DIAPH2: variants seen among roughly 807,000 people sequenced by gnomAD.
DIAPH2 encodes the protein diaphanous related formin 2.
DIAPH2 carries 35 observed loss-of-function variants against 92.7 expected under a neutral mutation model. The observed-to-expected ratio is 0.38, with a 90% CI of 0.29 to 0.50. The LOEUF (loss-of-function observed/expected upper bound fraction) is 0.50, where lower values mean the gene tolerates loss of function less well. Among genes scored for constraint, DIAPH2 ranks in the 20% least tolerant of loss-of-function variants. The probability of loss-of-function intolerance (pLI) is 0.94; values close to 1 mark genes in which losing one functional copy is unlikely to be tolerated. For missense variants in DIAPH2, 701 were observed against 819.5 expected (o/e 0.86, Z 1.77); for synonymous variants, 301 against 280.4 (o/e 1.07, Z -0.73).
intron 26 of DIAPH2, among the ~76,000 whole-genome samples, chrX:97,486,135 G>C (rs1195296843): frequency 9.0e-6 from 1 of 110,817 alleles, no homozygotes; most frequent in African/African-American, 3.3e-5. Context: ...AAGATACCCG[G>C]TGTAATTTAA....
intron 14 of DIAPH2, among the ~76,000 whole-genome samples, chrX:96,946,602 G>T (rs966055294): frequency 1.8e-5 from 2 of 111,768 alleles, no homozygotes; most frequent in Admixed American, 9.5e-5. Flanking sequence ...TTTGTGTGGA[G>T]CTGTCATTTT....
chrX:97,505,638 A>C (rs1453331198), intron 26 of DIAPH2, among the ~76,000 whole-genome samples: 1 of 109,670 alleles, frequency 9.1e-6, no homozygotes, highest in Non-Finnish European at 1.9e-5. Context: ...AATGCAGCAA[A>C]TGAGGTAGGG....
At chrX:97,291,728 G>A (rs924678513) in intron 23 of DIAPH2, among the ~76,000 whole-genome samples, 1 of 110,162 alleles carries the variant, frequency 9.1e-6, no homozygotes, top group African/African-American at 3.3e-5. Context: ...AGTAGAGATG[G>A]GGTTTCACCA....
At chrX:97,257,957 TA>T (rs59772699) in intron 23 of DIAPH2, among the ~76,000 whole-genome samples, 3,494 of 91,981 alleles carry the variant, frequency 0.038, 74 homozygotes, top group African/African-American at 0.078. Flanking sequence ...GTTCTTTGTT[TA>T]AAAAAAAAAA....
intron 5 of DIAPH2, among the ~76,000 whole-genome samples, chrX:96,902,890 T>C (rs766350110): frequency 8.9e-6 from 1 of 111,772 alleles, no homozygotes; most frequent in East Asian, 2.8e-4. Context: ...GTTTTTGACA[T>C]CTACATTGAG....
At chrX:96,728,009 A>G (rs1413859638) in intron 1 of DIAPH2, among the ~76,000 whole-genome samples, 3 of 101,516 alleles carry the variant, frequency 3.0e-5, no homozygotes, top group African/African-American at 1.1e-4. Context: ...GTGCCACTGC[A>G]CTCCAGCCTG....
chrX:97,071,979 G>A (rs188177032), intron 17 of DIAPH2, among the ~76,000 whole-genome samples: 2 of 111,895 alleles, frequency 1.8e-5, no homozygotes, highest in Admixed American at 9.5e-5. Context: ...CACTCTACTT[G>A]ACTGAAAAAG....
intron 23 of DIAPH2, among the ~76,000 whole-genome samples, chrX:97,283,897 G>A (rs1025619605): frequency 2.7e-5 from 3 of 112,279 alleles, no homozygotes; most frequent in Non-Finnish European, 3.8e-5. Flanking sequence ...AGTCGAGATC[G>A]CACCATTGCA....
intron 4 of DIAPH2, among the ~76,000 whole-genome samples, chrX:96,822,226 TATC>T (rs2064783131): frequency 1.8e-5 from 2 of 111,813 alleles, no homozygotes; most frequent in African/African-American, 6.5e-5. Context: ...TTCTCTGTAT[TATC>T]AATTTCTCTC....
chrX:97,413,412 A>C (rs1229812609), intron 25 of DIAPH2, among the ~76,000 whole-genome samples: 1 of 111,443 alleles, frequency 9.0e-6, no homozygotes, highest in Non-Finnish European at 1.9e-5. Context: ...ATCTCAAAAT[A>C]ATAAGAGCTA....
At chrX:97,323,264 G>A (rs1437383493) in intron 23 of DIAPH2, among the ~76,000 whole-genome samples, 1 of 103,727 alleles carries the variant, frequency 9.6e-6, no homozygotes, top group Admixed American at 1.0e-4. Context: ...GATTACAGGC[G>A]TGAGCCACTG....
intron 26 of DIAPH2, among the ~76,000 whole-genome samples, chrX:97,584,049 A>C (rs2071462701): frequency 6.2e-5 from 7 of 112,416 alleles, no homozygotes. Flanking sequence ...CGGTGCGTGC[A>C]CCCACTGACC....
intron 4 of DIAPH2, among the ~76,000 whole-genome samples, chrX:96,856,819 T>C (rs1431250521): frequency 9.1e-6 from 1 of 110,327 alleles, no homozygotes; most frequent in East Asian, 2.8e-4. Flanking sequence ...GGCGGATCAC[T>C]TGAGGTCAGG....
At chrX:96,865,529 GT>G (rs1394504314) in intron 4 of DIAPH2, among the ~76,000 whole-genome samples, 1 of 111,875 alleles carries the variant, frequency 8.9e-6, no homozygotes, top group Non-Finnish European at 1.9e-5. Flanking sequence ...TAAGAGACCA[GT>G]TTGGAAGTTA....
chrX:97,305,513 A>G (rs2068738777), intron 23 of DIAPH2, among the ~76,000 whole-genome samples: 1 of 105,790 alleles, frequency 9.5e-6, no homozygotes, highest in African/African-American at 3.5e-5. Context: ...ACAAACAAAC[A>G]AAAAACAACA....
chrX:96,846,845 TCA>T (rs1312132848), intron 4 of DIAPH2, among the ~76,000 whole-genome samples: 1 of 109,156 alleles, frequency 9.2e-6, no homozygotes, highest in African/African-American at 3.3e-5. Flanking sequence ...TTGACTGAAA[TCA>T]CAGTTGTCTT....
chrX:97,027,806 A>G (rs1342032572), intron 17 of DIAPH2, among the ~76,000 whole-genome samples: 2 of 112,257 alleles, frequency 1.8e-5, no homozygotes, highest in African/African-American at 3.2e-5. Context: ...CAGCATTCCA[A>G]TGACGCCAAA....
intron 4 of DIAPH2, among the ~76,000 whole-genome samples, chrX:96,810,338 A>G (rs2064667568): frequency 8.9e-6 from 1 of 111,948 alleles, no homozygotes. Context: ...GTCTGTTCAT[A>G]TCTTTCACCC....
intron 1 of DIAPH2, among the ~76,000 whole-genome samples, chrX:96,729,813 T>C (rs570264604): frequency 9.8e-4 from 110 of 112,365 alleles, no homozygotes; most frequent in African/African-American, 3.3e-3. Context: ...TTTGAGGCTT[T>C]TGAATTGACT....
Sources: gnomAD v4.1 joint callset for allele counts (sites outside exome capture counted in the v4.1 genomes callset) on GRCh38, gnomAD v4.1.1 for gene constraint, MANE v1.5 for transcripts, NCBI Gene and HGNC (gene_info 2026-07-23, HGNC 2026-07-21) for gene names.